SCML1: variants seen among roughly 807,000 people sequenced by gnomAD.
The protein encoded by SCML1 is Scm polycomb group protein like 1.
For missense variants in SCML1, 137 were observed against 258.1 expected (o/e 0.53, Z 3.22); for synonymous variants, 104 against 103.6 (o/e 1.00, Z -0.02).
At chrX:17,750,693 T>A (rs927849619) in intron 6 of SCML1, among the ~76,000 whole-genome samples, 1 of 112,267 alleles carries the variant, frequency 8.9e-6, no homozygotes, top group Non-Finnish European at 1.9e-5. Context: ...TCTAGAACTC[T>A]GCCCCATTGT....
chrX:17,739,991 G>A (rs1425466279), intron 1 of SCML1, among the ~76,000 whole-genome samples: 2 of 111,037 alleles, frequency 1.8e-5, no homozygotes, highest in African/African-American at 6.6e-5. Flanking sequence ...GGGCTCTAAG[G>A]CAATGTTGTA....
intron 1 of SCML1, among the ~76,000 whole-genome samples, chrX:17,742,636 C>T (rs1462093088): frequency 8.9e-6 from 1 of 112,252 alleles, no homozygotes; most frequent in Non-Finnish European, 1.9e-5. Context: ...AACGTGGAGA[C>T]CTATCCATTG....
chrX:17,751,804 C>T lies in SCML1; in HGVS notation c.704-11C>T, dbSNP rs753446899. ...TTTGTCTTTTTTTTCTTTTCCCCCT[C>T]TCCATTGAAGTTACAAGGTCACCAG... On this transcript the variant is annotated splice_polypyrimidine_tract_variant and intron_variant, in intron 6 of 7. Transcript: ENST00000380041. 6 of 1,203,069 alleles carry T rather than the reference C, an allele frequency of 5.0e-6. No homozygotes were observed. The South Asian group carries it at 7.2e-5, about 14-fold the overall frequency.
chrX:17,740,513 A>G (rs1167463762), intron 1 of SCML1, among the ~76,000 whole-genome samples: 1 of 111,818 alleles, frequency 8.9e-6, no homozygotes, highest in Non-Finnish European at 1.9e-5. Flanking sequence ...ACAAAAAAAA[A>G]AAAGGATTTA....
chrX:17,750,043 G>T lies in SCML1; in HGVS notation c.453G>T (p.Pro151=), dbSNP rs143070234. 1.7e-6 allele frequency: 2 copies of T among 1,211,782 alleles called. No individual in the cohort carries two copies. The highest frequency in any genetic ancestry group is 2.3e-4 in the Middle Eastern group (1 of 4,353). ...TGTCAAGGCGTGAGAATAATTCCCC[G>T]AGCAACCTTCCAAGGCCATCCTTTT... ...LPVSRRENNS[P]SNLPRPSFCM... The change falls in exon 6 of 8, where the codon CCG becomes CCT. Residue 151 remains proline, a synonymous_variant. Coordinates refer to ENST00000380041, the MANE Select transcript of SCML1 (RefSeq NM_001037540.3).
chrX:17,744,382 A>C (rs2147168823), intron 2 of SCML1, 163 bp downstream of exon 2: 1 of 368,922 alleles, frequency 2.7e-6, no homozygotes, highest in South Asian at 6.8e-5. Context: ...TTTGTGTACA[A>C]GTTTCTTTGT....
chrX:17,742,987 A>T (rs1479743972), intron 1 of SCML1, among the ~76,000 whole-genome samples: 1 of 112,220 alleles, frequency 8.9e-6, no homozygotes, highest in Non-Finnish European at 1.9e-5. Flanking sequence ...TGCTGTATAC[A>T]GCAGTAGTTG....
chrX:17,751,996 C>G (rs1023767119), intron 7 of SCML1, 30 bp downstream of exon 7: 2 of 1,191,532 alleles, frequency 1.7e-6, no homozygotes. Flanking sequence ...TGTTTTCCTG[C>G]TGTAATGCCT....
rs1467990773 is a variant in SCML1 at position 17,749,470 on chromosome X, A to G, written c.269A>G (p.Gln90Arg). Residue 90 changes from glutamine to arginine, a missense_variant, in exon 5 of 8, where the codon CAA (glutamine) becomes CGA (arginine). By Grantham distance (43) the Gln-to-Arg change is conservative. Transcript: ENST00000380041. The part of the protein sequence containing the change: ...DVIRRKVSKI[Q>R]RFHARSLWTN... ...ATTCGTAGAAAGGTTTCAAAAATCC[A>G]ACGTTTCCATGCGAGATCCCTGTGG... 1.7e-6 allele frequency: 2 copies of G among 1,194,298 alleles called. No individual in the cohort carries two copies. Among genetic ancestry groups the G allele is most frequent in the Non-Finnish European group, 2.3e-6 (2 of 882,489 alleles).
intron 1 of SCML1, among the ~76,000 whole-genome samples, chrX:17,740,444 T>A (rs1209567348): frequency 9.0e-6 from 1 of 111,370 alleles, no homozygotes; most frequent in Non-Finnish European, 1.9e-5. Flanking sequence ...ACTTGACATG[T>A]ATTAATTTAA....
chrX:17,739,155 A>G (rs1189309872), intron 1 of SCML1, among the ~76,000 whole-genome samples: 1 of 111,982 alleles, frequency 8.9e-6, no homozygotes, highest in Non-Finnish European at 1.9e-5. Flanking sequence ...GTGAAAAGGA[A>G]TTAAGGTATA....
chrX:17,746,735 C>T (rs1359088498), intron 4 of SCML1, among the ~76,000 whole-genome samples: 3 of 111,997 alleles, frequency 2.7e-5, no homozygotes, highest in African/African-American at 6.5e-5. Context: ...CCAAGGGACA[C>T]ATACAGTCTT....
At chrX:17,739,237 G>A (rs2066570334) in intron 1 of SCML1, among the ~76,000 whole-genome samples, 2 of 111,990 alleles carry the variant, frequency 1.8e-5, no homozygotes, top group African/African-American at 3.2e-5. Context: ...TCATTTTTAC[G>A]GGATTTGAGA....
intron 5 of SCML1, 31 bp downstream of exon 5, chrX:17,749,535 G>C: frequency 3.3e-6 from 3 of 906,010 alleles, no homozygotes; most frequent in Admixed American, 2.5e-5. Context: ...TTTTACAACT[G>C]TGATAAACCT....
At chrX:17,753,004 C>G (rs189404372) in intron 7 of SCML1, among the ~76,000 whole-genome samples, 2 of 109,664 alleles carry the variant, frequency 1.8e-5, no homozygotes, top group East Asian at 5.7e-4. Context: ...AAGTTTGACA[C>G]AGTTTATTTT....
intron 1 of SCML1, among the ~76,000 whole-genome samples, chrX:17,738,320 A>G (rs2066559848): frequency 1.8e-5 from 2 of 112,091 alleles, no homozygotes; most frequent in South Asian, 3.7e-4. Flanking sequence ...AAAGGCCCTG[A>G]TTTGGTTGGT....
rs988835538 is a variant in SCML1 at position 17,750,351 on chromosome X, C to G, written c.703+58C>G. 1.2e-5 allele frequency: 13 copies of G among 1,083,486 alleles called. No individual in the cohort carries two copies. The Admixed American group carries it at 1.9e-4, about 16-fold the overall frequency. The allele number at this position is 1,083,486 out of a possible 1,213,427, so 89.3% of individuals were successfully genotyped here. A position where few individuals can be genotyped will look rare whatever the true frequency, so the allele number is the denominator to read the frequency against. ...CATGCCCCTGAGATGATGAGTTACT[C>G]AGCTTTGATGGAGAATAGGTATACT... is the stretch of plus-strand genomic sequence containing the variant. On this transcript the variant is annotated intron_variant, in intron 6 of 7. Transcript: ENST00000380041.
At chrX:17,745,422 C>A (rs762638502) in intron 2 of SCML1, 34 bp from the exon 3 acceptor site, 147 of 884,140 alleles carry the variant, frequency 1.7e-4, no homozygotes, top group Non-Finnish European at 4.8e-5. Context: ...TGTCTTTCAT[C>A]TTCCCTTTTA....
At chrX:17,749,807 A>G (rs1468073276) in intron 5 of SCML1, 87 bp from the exon 6 acceptor site, 12 of 871,576 alleles carry the variant, frequency 1.4e-5, no homozygotes, top group Non-Finnish European at 1.8e-5. Flanking sequence ...GCAATGTTGC[A>G]TGGAAAATAA....
Sources: gnomAD v4.1 joint callset for allele counts (sites outside exome capture counted in the v4.1 genomes callset) on GRCh38, gnomAD v4.1.1 for gene constraint, MANE v1.5 for transcripts, NCBI Gene and HGNC (gene_info 2026-07-23, HGNC 2026-07-21) for gene names.